MAP7D2: variants seen among roughly 807,000 people sequenced by gnomAD.
MAP7D2 encodes the protein MAP7 domain-containing protein 2.
A neutral mutation model predicts 63.5 loss-of-function variants in MAP7D2; 33 were observed. That is an observed-to-expected ratio of 0.52 (90% CI 0.39 to 0.70). The LOEUF is 0.70. Ranked by LOEUF, MAP7D2 falls within the 30% of genes least tolerant of loss-of-function variation. The pLI is 0.00. For synonymous variants in MAP7D2, 224 were observed against 223.7 expected, an observed-to-expected ratio of 1.00 and a Z score of -0.01; for missense variants, 626 against 604.0, an observed-to-expected ratio of 1.04 and a Z score of -0.38.
intron 3 of MAP7D2, among the ~76,000 whole-genome samples, chrX:20,062,501 G>A (rs926136918): frequency 3.6e-5 from 4 of 109,663 alleles, no homozygotes; most frequent in East Asian, 2.9e-4. Context: ...AGAAGGAAGG[G>A]GTAAATATAT....
At chrX:20,084,543 TG>T (rs2065858598) in intron 1 of MAP7D2, among the ~76,000 whole-genome samples, 1 of 27,113 alleles carries the variant, frequency 3.7e-5, no homozygotes, top group Non-Finnish European at 7.0e-5. Context: ...CCTTCCTTCC[TG>T]TTCCCTCCCT....
chrX:20,076,633 G>A (rs763202589), intron 1 of MAP7D2, among the ~76,000 whole-genome samples: 1 of 109,670 alleles, frequency 9.1e-6, no homozygotes, highest in African/African-American at 3.3e-5. Flanking sequence ...CCCAGGAGGT[G>A]GAGGTTGCAG....
intron 6 of MAP7D2, among the ~76,000 whole-genome samples, chrX:20,047,821 C>T (rs1282561763): frequency 9.6e-6 from 1 of 103,698 alleles, no homozygotes; most frequent in Non-Finnish European, 2.0e-5. Flanking sequence ...GACCTTGTCT[C>T]CAAAATAAAT....
chrX:20,040,248 G>A, intron 8 of MAP7D2, among the ~76,000 whole-genome samples: 1 of 111,021 alleles, frequency 9.0e-6, no homozygotes, highest in African/African-American at 3.3e-5. Context: ...GTCTATTGTG[G>A]GACTTTACCT....
intron 1 of MAP7D2, among the ~76,000 whole-genome samples, chrX:20,088,289 A>G (rs1237049167): frequency 1.1e-5 from 1 of 88,602 alleles, no homozygotes; most frequent in Non-Finnish European, 2.1e-5. Flanking sequence ...GTTGGTCAAT[A>G]GTTTTCTTTT....
Position 20,061,630 on chromosome X carries a change from G to A in MAP7D2, c.372+1784C>T, listed in dbSNP as rs780872566. Among the ~76,000 whole-genome samples the A allele has an allele frequency of 2.7e-5, 3 of 112,530 alleles. No individual in the cohort carries two copies. The South Asian group carries it at 1.1e-3, about 41-fold the overall frequency. On this transcript the variant is annotated intron_variant, in intron 3 of 16. Transcript: ENST00000379643. The stretch of plus-strand genomic sequence containing the variant: ...AAGCACACAAATAGAAAATTACCCA[G>A]AAGGGAAACCACAAAAGATTCAGCT...
At chrX:20,036,745 C>A (rs1486459825) in intron 8 of MAP7D2, among the ~76,000 whole-genome samples, 1 of 103,028 alleles carries the variant, frequency 9.7e-6, no homozygotes, top group African/African-American at 3.5e-5. Flanking sequence ...CTCTACGAAA[C>A]ATACAAAAAT....
intron 1 of MAP7D2, among the ~76,000 whole-genome samples, chrX:20,102,947 G>A (rs2066476907): frequency 9.0e-6 from 1 of 111,426 alleles, no homozygotes; most frequent in Admixed American, 9.6e-5. Context: ...GTACAGACAA[G>A]CAACTGAGTT....
Position 20,007,797 on chromosome X carries a change from C to T in MAP7D2, c.*628G>A. The T allele has an allele frequency of 8.9e-6, 1 of 111,843 alleles. No homozygotes were observed. The highest frequency in any genetic ancestry group is 2.8e-4 in the East Asian group (1 of 3,572). 9.2% of individuals were successfully genotyped at this position (111,843 alleles called of 1,213,427 possible). On this transcript the variant is annotated 3_prime_UTR_variant, in exon 17 of 17. Coordinates refer to ENST00000379643, the MANE Select transcript of MAP7D2 (RefSeq NM_001168465.2). ...ATTACTGACTGTTTTGACTTCCTTCCTCAACCAAACTTACTACTTTAACCC... is the reference window on the plus strand; with the variant it reads ...ATTACTGACTGTTTTGACTTCCTTCTTCAACCAAACTTACTACTTTAACCC...
intron 8 of MAP7D2, among the ~76,000 whole-genome samples, chrX:20,042,124 AAG>A (rs2064674294): frequency 9.0e-6 from 1 of 111,327 alleles, no homozygotes; most frequent in Admixed American, 9.6e-5. Flanking sequence ...CTCTCTATTA[AAG>A]AGAGAGACAA....
intron 8 of MAP7D2, among the ~76,000 whole-genome samples, chrX:20,027,578 C>A (rs990709478): frequency 9.0e-6 from 1 of 110,625 alleles, no homozygotes; most frequent in Non-Finnish European, 1.9e-5. Context: ...CCGCTCCCCA[C>A]GCAGGTTATG....
intron 1 of MAP7D2, among the ~76,000 whole-genome samples, chrX:20,080,601 T>C (rs2065753844): frequency 9.1e-6 from 1 of 110,321 alleles, no homozygotes. Flanking sequence ...GATAAAGGGC[T>C]CCAATCATGC....
chrX:20,017,024 G>A (rs967122018), intron 10 of MAP7D2: 1 of 113,886 alleles, frequency 8.8e-6, no homozygotes, highest in African/African-American at 3.2e-5. Context: ...AAGCAGTAAG[G>A]GAAAATCCTG....
At chrX:20,035,405 G>A (rs1194001073) in intron 8 of MAP7D2, among the ~76,000 whole-genome samples, 2 of 111,591 alleles carry the variant, frequency 1.8e-5, no homozygotes, top group African/African-American at 6.5e-5. Context: ...TGAGGCACTG[G>A]GCATAGTGAC....
intron 3 of MAP7D2, among the ~76,000 whole-genome samples, 182 bp from the exon 4 acceptor site, chrX:20,056,973 A>G (rs2065085570): frequency 8.9e-6 from 1 of 112,152 alleles, no homozygotes. Context: ...AGAGTAAACA[A>G]TGCGGCTAGG....
chrX:20,011,508 T>TTCCTTCC (rs1254326039), intron 15 of MAP7D2, among the ~76,000 whole-genome samples: 1 of 112,649 alleles, frequency 8.9e-6, no homozygotes, highest in Non-Finnish European at 1.9e-5. Flanking sequence ...CGAATTGCTT[T>TTCCTTCC]TCCTTCCTGC....
chrX:20,104,506 G>A (rs1465828156), intron 1 of MAP7D2, among the ~76,000 whole-genome samples: 1 of 111,734 alleles, frequency 8.9e-6, no homozygotes, highest in Non-Finnish European at 1.9e-5. Flanking sequence ...TCGCCATGTT[G>A]GCCAGGCTGG....
In MAP7D2 at chrX:20,056,671, T is replaced by C; in HGVS notation, c.484+9A>G. The C allele has an allele frequency of 8.3e-7, 1 of 1,200,786 alleles. No homozygotes were observed. The highest frequency in any genetic ancestry group is 1.1e-6 in the Non-Finnish European group (1 of 885,616). ...AGGACCTGAAATACAGGGGCAACCC[T>C]ACACTCACCATCATGTCCTCCGGGT... On this transcript the variant is annotated intron_variant, in intron 4 of 16. Transcript: ENST00000379643.
At chrX:20,094,533 T>C (rs201009732) in intron 1 of MAP7D2, among the ~76,000 whole-genome samples, 5 of 10,615 alleles carry the variant, frequency 4.7e-4, no homozygotes, top group Admixed American at 2.0e-3. Flanking sequence ...TATATATATA[T>C]ATATATATGT....
Sources: allele counts gnomAD v4.1 joint callset (sites outside exome capture counted in the v4.1 genomes callset), GRCh38; gene constraint gnomAD v4.1.1; transcripts MANE v1.5; gene names NCBI Gene and HGNC (gene_info 2026-07-23, HGNC 2026-07-21).